LDB2: variants seen among roughly 807,000 people sequenced by gnomAD.
LDB2 encodes LIM domain-binding protein 2.
A neutral mutation model predicts 44.3 loss-of-function variants in LDB2; 12 were observed. The ratio of observed to expected loss-of-function variants is 0.27; its 90% CI spans 0.17 to 0.44. The LOEUF (loss-of-function observed/expected upper bound fraction) is 0.44, where lower values mean the gene tolerates loss of function less well. LDB2 is among the 20% of genes least tolerant of loss of function. LDB2 has a pLI of 1.00. For missense variants in LDB2, 344 were observed against 473.5 expected, an observed-to-expected ratio of 0.73 and a Z score of 2.54; for synonymous variants, 164 against 174.8, an observed-to-expected ratio of 0.94 and a Z score of 0.49.
intron 2 of LDB2, among the ~76,000 whole-genome samples, chr4:16,620,780 A>C (rs901645405): frequency 6.6e-6 from 1 of 152,208 alleles, no homozygotes; most frequent in African/African-American, 2.4e-5. Context: ...CTATAGGCTG[A>C]CCAAGTGCTG....
At chr4:16,621,090 CAGAG>C (rs1728751250) in intron 2 of LDB2, among the ~76,000 whole-genome samples, 2 of 152,272 alleles carry the variant, frequency 1.3e-5, no homozygotes, top group African/African-American at 4.8e-5. Flanking sequence ...TGTTGTGTTT[CAGAG>C]AGATTACAGC....
At chr4:16,822,730 G>A (rs991571699) in intron 1 of LDB2, among the ~76,000 whole-genome samples, 3 of 151,962 alleles carry the variant, frequency 2.0e-5, no homozygotes, top group African/African-American at 7.3e-5. Context: ...TGGCCAGGCT[G>A]GTCTTGAACT....
At chr4:16,873,524 C>T (rs1032078082) in intron 1 of LDB2, among the ~76,000 whole-genome samples, 1 of 152,008 alleles carries the variant, frequency 6.6e-6, no homozygotes. Flanking sequence ...GTTCTTTGTC[C>T]TTAGGCTTTC....
At chr4:16,751,386 T>A (rs983035522) in intron 2 of LDB2, among the ~76,000 whole-genome samples, 1 of 152,224 alleles carries the variant, frequency 6.6e-6, no homozygotes, top group South Asian at 2.1e-4. Context: ...CATTATCTCA[T>A]GCGATCATTA....
chr4:16,785,056 GA>G (rs151247398), intron 1 of LDB2, among the ~76,000 whole-genome samples: 3,283 of 151,902 alleles, frequency 0.022, 123 homozygotes, highest in African/African-American at 0.076. Context: ...GTAAACGAAA[GA>G]AAAATAATAT....
intron 1 of LDB2, among the ~76,000 whole-genome samples, chr4:16,791,310 A>C (rs1242458077): frequency 2.0e-5 from 3 of 152,256 alleles, no homozygotes; most frequent in Non-Finnish European, 4.4e-5. Context: ...TAATCCCAGC[A>C]CTTTGAGAGG....
intron 2 of LDB2, among the ~76,000 whole-genome samples, chr4:16,751,805 G>A (rs1408978138): frequency 6.6e-6 from 1 of 152,158 alleles, no homozygotes; most frequent in African/African-American, 2.4e-5. Flanking sequence ...ATGAATGAGT[G>A]CAGGAACAAA....
At chr4:16,725,994 A>G (rs166879) in intron 2 of LDB2, among the ~76,000 whole-genome samples, 42,277 of 149,062 alleles carry the variant, frequency 0.28, 6,461 homozygotes, top group Non-Finnish European at 0.36. Flanking sequence ...TCCATTATAT[A>G]CTTATATATA....
At chr4:16,895,513 A>C (rs977998913) in intron 1 of LDB2, among the ~76,000 whole-genome samples, 2 of 151,856 alleles carry the variant, frequency 1.3e-5, no homozygotes, top group Admixed American at 6.6e-5. Context: ...AAAGGGGTGA[A>C]GACTTGAGAG....
intron 7 of LDB2, chr4:16,505,872 G>A: frequency 3.2e-6 from 5 of 1,550,942 alleles, no homozygotes; most frequent in Non-Finnish European, 4.4e-6. Context: ...CTCCTTTCAG[G>A]GCCCCTCAAT....
At chr4:16,520,023 A>G (rs1196052123) in intron 5 of LDB2, among the ~76,000 whole-genome samples, 1 of 152,096 alleles carries the variant, frequency 6.6e-6, no homozygotes, top group Non-Finnish European at 1.5e-5. Flanking sequence ...TAATCAGGCC[A>G]ATGGCACATG....
chr4:16,645,436 C>T (rs1034386737), intron 2 of LDB2, among the ~76,000 whole-genome samples: 24 of 150,260 alleles, frequency 1.6e-4, no homozygotes, highest in Admixed American at 4.7e-4. Flanking sequence ...ACTCGGGAGG[C>T]TGAGGCAGGA....
chr4:16,646,727 T>C (rs1416577782), intron 2 of LDB2, among the ~76,000 whole-genome samples: 1 of 152,174 alleles, frequency 6.6e-6, no homozygotes, highest in East Asian at 1.9e-4. Flanking sequence ...TGCAGTATTA[T>C]CACAACAAAT....
intron 1 of LDB2, among the ~76,000 whole-genome samples, chr4:16,814,511 G>GC (rs1435569345): frequency 2.7e-5 from 4 of 147,844 alleles, no homozygotes. Context: ...TGATTCTTCA[G>GC]CCTCCCTGCC....
At chr4:16,750,309 T>G (rs927626666) in intron 2 of LDB2, among the ~76,000 whole-genome samples, 7 of 152,200 alleles carry the variant, frequency 4.6e-5, no homozygotes, top group Non-Finnish European at 1.0e-4. Context: ...CTGTCTCCCT[T>G]GTTATACTGC....
At chr4:16,838,600 G>T (rs1160128890) in intron 1 of LDB2, among the ~76,000 whole-genome samples, 26 of 152,178 alleles carry the variant, frequency 1.7e-4, no homozygotes, top group Non-Finnish European at 3.8e-4. Flanking sequence ...GACACCCAGA[G>T]TGTACTGTCA....
chr4:16,537,381 T>C (rs1221988681), intron 5 of LDB2, among the ~76,000 whole-genome samples: 1 of 152,224 alleles, frequency 6.6e-6, no homozygotes, highest in African/African-American at 2.4e-5. Flanking sequence ...TACTGCTCTC[T>C]TGGAAAGAAT....
chr4:16,820,950 T>A (rs1406598341), intron 1 of LDB2, among the ~76,000 whole-genome samples: 1 of 152,246 alleles, frequency 6.6e-6, no homozygotes, highest in African/African-American at 2.4e-5. Flanking sequence ...CAAATTTCCA[T>A]TGGCAATGGT....
intron 2 of LDB2, among the ~76,000 whole-genome samples, chr4:16,605,090 T>A (rs944314378): frequency 6.6e-6 from 1 of 152,150 alleles, no homozygotes; most frequent in Non-Finnish European, 1.5e-5. Flanking sequence ...AGTTCTATAT[T>A]TTTTTAAAAA....
Sources: gnomAD v4.1 joint callset for allele counts (sites outside exome capture counted in the v4.1 genomes callset) on GRCh38, gnomAD v4.1.1 for gene constraint, MANE v1.5 for transcripts, NCBI Gene and HGNC (gene_info 2026-07-23, HGNC 2026-07-21) for gene names.